Variants in SLBP observed in about 807,000 individuals in gnomAD.
The protein encoded by SLBP is stem-loop histone mRNA binding protein, also known as histone RNA hairpin-binding protein.
In SLBP, 29 loss-of-function variants were observed where a neutral mutation model predicts 39.2. The observed-to-expected ratio is 0.74, with a 90% CI of 0.55 to 1.01. The LOEUF (loss-of-function observed/expected upper bound fraction) is 1.01, where lower values mean the gene tolerates loss of function less well. SLBP is among the 50% of genes least tolerant of loss of function. The probability of loss-of-function intolerance (pLI) is 0.00; values close to 1 mark genes in which losing one functional copy is unlikely to be tolerated. For missense variants in SLBP, 390 were observed against 350.2 expected (o/e 1.11, Z -0.91); for synonymous variants, 129 against 118.7 (o/e 1.09, Z -0.57).
chr4:1,703,227 A>G (rs1716392624), intron 3 of SLBP, among the ~76,000 whole-genome samples: 1 of 116,874 alleles, frequency 8.6e-6, no homozygotes, highest in Non-Finnish European at 1.8e-5. Flanking sequence ...ACAGAGCGAG[A>G]CTGTCTCAAA....
rs754004012 is a variant in SLBP, at chr4:1,700,021, A to T, written c.331T>A (p.Ser111Thr). 6 of 1,597,438 alleles carry T rather than the reference A, an allele frequency of 3.8e-6. No individual in the cohort carries two copies. Among genetic ancestry groups the T allele is most frequent in the East Asian group, 2.2e-5 (1 of 44,766 alleles). ...TTACACAGCCTTTACCTTCCTGATG[A>T]TGATTTTCTCTCTCTTCCAAAGTCA... ...INDFGRERKS[S>T]SGSSDSKESM... The change falls in exon 4 of 8, where the codon TCA becomes ACA. Residue 111 changes from serine (S) to threonine (T), a missense_variant. Physicochemically the swap from Ser to Thr is moderately conservative, Grantham distance 58. Coordinates refer to ENST00000489418, the MANE Select transcript of SLBP (RefSeq NM_006527.4).
chr4:1,694,795 C>G lies in SLBP; in HGVS notation c.675G>C (p.Gln225His). 1.2e-6 allele frequency: 2 copies of G among 1,613,728 alleles called. No individual in the cohort carries two copies. Among genetic ancestry groups the G allele is most frequent in the Non-Finnish European group, 1.7e-6 (2 of 1,179,592 alleles). Residue 225 changes from glutamine (Q) to histidine (H), a missense_variant, in exon 7 of 8, where the codon CAG (glutamine) becomes CAC (histidine). Physicochemically the swap from Gln to His is conservative, Grantham distance 24 (BLOSUM62 0). Coordinates refer to ENST00000489418, the MANE Select transcript of SLBP (RefSeq NM_006527.4). ...TTACAAAGTCATCCTGAGAGCTGGT[C>G]TGGGGCTCGGAGCTGCTTTCTGCAG... ...LESAESSSEP[Q>H]TSSQDDFDVY...
intron 5 of SLBP, among the ~76,000 whole-genome samples, chr4:1,697,597 T>C (rs912647172): frequency 1.3e-5 from 2 of 151,558 alleles, no homozygotes; most frequent in Non-Finnish European, 3.0e-5. Flanking sequence ...TCCCAGCACT[T>C]TGGGAGGCCG....
intron 3 of SLBP, among the ~76,000 whole-genome samples, chr4:1,702,392 A>G (rs1490115361): frequency 2.0e-5 from 3 of 152,228 alleles, no homozygotes; most frequent in African/African-American, 7.2e-5. Flanking sequence ...ATTCCCACAT[A>G]TTCCCGTCCC....
intron 2 of SLBP, among the ~76,000 whole-genome samples, chr4:1,704,780 C>T (rs1716456531): frequency 6.6e-6 from 1 of 152,164 alleles, no homozygotes. Flanking sequence ...GCAGGTCTGG[C>T]ATTCCTCCAG....
intron 2 of SLBP, 37 bp from the exon 3 acceptor site, chr4:1,703,737 A>G (rs1471217862): frequency 1.5e-6 from 2 of 1,365,862 alleles, no homozygotes; most frequent in South Asian, 1.2e-5. Context: ...ACCATGACAC[A>G]TACTTTGTTT....
At position 1,693,624 on chromosome 4, in the gene SLBP, G is replaced by T. The variant is rs139621793; in HGVS notation, c.786C>A (p.Pro262=). ...AGCTCATGGCTGAGAAGTCTCTCAAGGGTTCAGTTAAACAAGCTTCCAAAT... is the reference window on the plus strand; with the variant it reads ...AGCTCATGGCTGAGAAGTCTCTCAATGGTTCAGTTAAACAAGCTTCCAAAT... ...EFDLEACLTE[P]LRDFSAMS is the part of the protein sequence containing the mutation. Residue 262 remains proline (P), a synonymous_variant, in exon 8 of 8, where the codon CCC becomes CCA. Coordinates refer to ENST00000489418, the MANE Select transcript of SLBP (RefSeq NM_006527.4). 1.9e-5 allele frequency: 31 copies of T among 1,613,264 alleles called. No individual in the cohort carries two copies. In the African/African-American group the frequency reaches 2.9e-4, roughly 15 times the overall value.
chr4:1,705,489 C>T (rs1716483611), intron 2 of SLBP, among the ~76,000 whole-genome samples: 1 of 152,160 alleles, frequency 6.6e-6, no homozygotes, highest in Non-Finnish European at 1.5e-5. Flanking sequence ...CTTTAGACTA[C>T]TTGTTTTATT....
chr4:1,699,736 C>G (rs569582260), intron 4 of SLBP, 35 bp from the exon 5 acceptor site: 1 of 1,598,048 alleles, frequency 6.3e-7, no homozygotes, highest in South Asian at 1.1e-5. Flanking sequence ...ATAAGCCCTG[C>G]AATTAAGATC....
intron 3 of SLBP, among the ~76,000 whole-genome samples, chr4:1,702,317 C>T (rs1481833340): frequency 6.6e-6 from 1 of 152,214 alleles, no homozygotes; most frequent in Non-Finnish European, 1.5e-5. Context: ...CCAAGGCATA[C>T]ATCCACCCAC....
chr4:1,693,999 G>GA (rs146166181), intron 7 of SLBP, among the ~76,000 whole-genome samples: 190 of 152,338 alleles, frequency 1.2e-3, no homozygotes, highest in African/African-American at 4.4e-3. Context: ...TATAAGCACA[G>GA]AAAGAATTGT....
In SLBP at chr4:1,693,615, GTC is replaced by G; in HGVS notation, c.793_794del (p.Asp265LeufsTer42). On this transcript the variant is annotated frameshift_variant, in exon 8 of 8. Coordinates refer to ENST00000489418, the MANE Select transcript of SLBP (RefSeq NM_006527.4). LOFTEE classifies it high-confidence loss of function. ...GGGGCAGTTAGCTCATGGCTGAGAA[GTC>G]TCTCAAGGGTTCAGTTAAACAAGCT... The part of the protein sequence containing the change: ...LEACLTEPLR[D>X]FSAMS 6.2e-7 allele frequency: 1 copy of G among 1,610,570 alleles called. No homozygotes were observed. The highest frequency in any genetic ancestry group is 8.5e-7 in the Non-Finnish European group (1 of 1,176,740).
chr4:1,702,649 C>G (rs1716369070), intron 3 of SLBP, among the ~76,000 whole-genome samples: 2 of 152,182 alleles, frequency 1.3e-5, no homozygotes, highest in South Asian at 4.1e-4. Flanking sequence ...GAGAAAGGAT[C>G]AACACACTGA....
chr4:1,711,904 T>C lies in SLBP; in HGVS notation c.146A>G (p.Glu49Gly). Residue 49 changes from glutamate (E) to glycine (G), a missense_variant, in exon 2 of 8, where the codon GAG becomes GGG. Physicochemically the swap from Glu to Gly is moderately conservative, Grantham distance 98 (BLOSUM62 -2). Transcript: ENST00000489418. Reference sequence around the variant, plus strand: ...GGGTCTGCGCTCGGCGCCGCGGTGCTCTGCCTCCTCGGCGTCTTCGGGCCT... The same window carrying C: ...GGGTCTGCGCTCGGCGCCGCGGTGCCCTGCCTCCTCGGCGTCTTCGGGCCT... The part of the protein sequence containing the change: ...RWRPEDAEEA[E>G]HRGAERRPES... The C allele has an allele frequency of 7.3e-7, 1 of 1,367,966 alleles. No homozygotes were observed. Among genetic ancestry groups the C allele is most frequent in the Non-Finnish European group, 9.4e-7 (1 of 1,059,818 alleles). The allele number at this position is 1,367,966 out of a possible 1,614,324, so 84.7% of individuals were successfully genotyped here.
chr4:1,706,608 C>G (rs1716525512), intron 2 of SLBP, among the ~76,000 whole-genome samples: 1 of 151,970 alleles, frequency 6.6e-6, no homozygotes, highest in Admixed American at 6.6e-5. Flanking sequence ...GAGTTCCAGA[C>G]CAGCCAGGGC....
chr4:1,708,244 C>T (rs1235349330), intron 2 of SLBP, among the ~76,000 whole-genome samples: 5 of 151,930 alleles, frequency 3.3e-5, no homozygotes, highest in African/African-American at 1.2e-4. Context: ...AGTTATGCCC[C>T]GTCACAAAAA....
intron 2 of SLBP, among the ~76,000 whole-genome samples, chr4:1,710,076 T>C (rs1716680500): frequency 6.6e-6 from 1 of 152,080 alleles, no homozygotes; most frequent in South Asian, 2.1e-4. Flanking sequence ...ATGGGGTTTC[T>C]CCATGTTAGT....
chr4:1,703,226 G>C (rs1224590153), intron 3 of SLBP, among the ~76,000 whole-genome samples: 1 of 123,286 alleles, frequency 8.1e-6, no homozygotes, highest in Non-Finnish European at 1.7e-5. Flanking sequence ...AACAGAGCGA[G>C]ACTGTCTCAA....
intron 3 of SLBP, 144 bp downstream of exon 3, chr4:1,703,451 AT>A: frequency 1.6e-6 from 1 of 623,264 alleles, no homozygotes; most frequent in South Asian, 1.8e-5. Flanking sequence ...GAGAATCTGT[AT>A]TTCTAACAAG....
Sources: gnomAD v4.1 joint callset for allele counts (sites outside exome capture counted in the v4.1 genomes callset) on GRCh38, gnomAD v4.1.1 for gene constraint, MANE v1.5 for transcripts, NCBI Gene and HGNC (gene_info 2026-07-23, HGNC 2026-07-21) for gene names.